The following RSU1 variants were observed in gnomAD, a reference collection of about 807,000 sequenced individuals.
The protein encoded by RSU1 is rsu-1.
RSU1 carries 26 observed loss-of-function variants against 31.1 expected under a neutral mutation model. The ratio of observed to expected loss-of-function variants is 0.84; its 90% CI spans 0.61 to 1.16. The LOEUF (loss-of-function observed/expected upper bound fraction) is 1.16. Ranked by LOEUF, RSU1 falls within the 50% of genes most tolerant of loss-of-function variation. The pLI, the probability that RSU1 is intolerant of heterozygous loss-of-function variation, is 0.00. For missense variants in RSU1, 320 were observed against 339.1 expected (o/e 0.94, Z 0.44); for synonymous variants, 164 against 136.3 (o/e 1.20, Z -1.41).
chr10:16,803,033 G>A (rs933715543), intron 2 of RSU1, among the ~76,000 whole-genome samples: 11 of 152,110 alleles, frequency 7.2e-5, no homozygotes, highest in African/African-American at 2.7e-4. Context: ...TGTTAACGCA[G>A]TAAGGTAAGA....
rs1374906335 is a variant in RSU1, at chr10:16,803,119, G to A, written c.109+13854C>T. On this transcript the variant is annotated intron_variant, in intron 2 of 8. Transcript: ENST00000345264. The stretch of plus-strand genomic sequence containing the variant: ...TCTCCACAGATAATATGATGTGTAC[G>A]TAGAAAATCCCAAAGAATCAACAAA... 7.9e-5 allele frequency among the ~76,000 whole-genome samples: 12 copies of A among 152,100 alleles called. No homozygotes were observed. In the East Asian group the frequency reaches 9.6e-4, roughly 12 times the overall value.
intron 8 of RSU1, among the ~76,000 whole-genome samples, chr10:16,671,667 C>T (rs746053528): frequency 1.6e-4 from 24 of 151,868 alleles, no homozygotes; most frequent in Non-Finnish European, 2.2e-4. Context: ...CACTCTGTTG[C>T]GAGGCTGGAG....
intron 8 of RSU1, among the ~76,000 whole-genome samples, chr10:16,647,648 G>A (rs1319164350): frequency 3.9e-5 from 6 of 152,180 alleles, no homozygotes; most frequent in Non-Finnish European, 5.9e-5. Flanking sequence ...GAGAGTAGAT[G>A]AGTGGTTGCC....
chr10:16,761,202 C>A (rs1837205922), intron 4 of RSU1, among the ~76,000 whole-genome samples: 1 of 152,208 alleles, frequency 6.6e-6, no homozygotes, highest in African/African-American at 2.4e-5. Flanking sequence ...CTCAGCCTCT[C>A]AAACTTCTGG....
intron 8 of RSU1, among the ~76,000 whole-genome samples, chr10:16,594,847 T>A (rs955537254): frequency 1.3e-5 from 2 of 148,466 alleles, no homozygotes; most frequent in African/African-American, 5.0e-5. Context: ...TGCAGTGGTG[T>A]GATCTTGGCT....
At chr10:16,723,498 T>C (rs1836324209) in intron 7 of RSU1, among the ~76,000 whole-genome samples, 1 of 152,210 alleles carries the variant, frequency 6.6e-6, no homozygotes, top group Non-Finnish European at 1.5e-5. Context: ...CAATGGCAGA[T>C]TCCAGATGCT....
intron 8 of RSU1, among the ~76,000 whole-genome samples, chr10:16,597,662 T>C (rs1409901851): frequency 1.3e-5 from 2 of 152,126 alleles, no homozygotes; most frequent in African/African-American, 4.8e-5. Context: ...CAGTCAAGAG[T>C]GATTAAATCA....
At chr10:16,730,784 G>A (rs1001943040) in intron 7 of RSU1, among the ~76,000 whole-genome samples, 8 of 152,100 alleles carry the variant, frequency 5.3e-5, no homozygotes, top group South Asian at 4.1e-4. Context: ...ATGCACCTAT[G>A]TGAATATTCT....
At chr10:16,596,934 GCTGGTCTCAAACTC>G (rs1307000490) in intron 8 of RSU1, among the ~76,000 whole-genome samples, 1 of 152,160 alleles carries the variant, frequency 6.6e-6, no homozygotes, top group Non-Finnish European at 1.5e-5. Context: ...CGTTGGACAT[GCTGGTCTCAAACTC>G]CTGACCTCAA....
At chr10:16,672,142 C>CA (rs528486452) in intron 8 of RSU1, among the ~76,000 whole-genome samples, 1,420 of 112,470 alleles carry the variant, frequency 0.013, 8 homozygotes, top group Middle Eastern at 0.094. Context: ...ACTAAAAATA[C>CA]AAAAAAAAAA....
In RSU1 at chr10:16,817,239, T is replaced by TGGGGGTAGGGCAGG. The variant is rs111960598; in HGVS notation, c.-4+75_-4+76insCCTGCCCTACCCCC. 4 of 607,092 alleles carry TGGGGGTAGGGCAGG rather than the reference T, an allele frequency of 6.6e-6. No homozygotes were observed. In the East Asian group the frequency reaches 8.7e-5, roughly 13 times the overall value. The allele number at this position is 607,092 out of a possible 1,614,324, so 37.6% of individuals were successfully genotyped here. A position where few individuals can be genotyped will look rare whatever the true frequency, so the allele number is the denominator to read the frequency against. On this transcript the variant is annotated intron_variant, in intron 1 of 8. Coordinates refer to ENST00000345264, the MANE Select transcript of RSU1 (RefSeq NM_012425.4). ...GGCTGGTCCGGGTGCGGGGAGGGGA[T>TGGGGGTAGGGCAGG]GGAGTGGGAAGGGTTCAGCCCCGCT...
At chr10:16,631,124 C>A (rs563806921) in intron 8 of RSU1, among the ~76,000 whole-genome samples, 4 of 152,330 alleles carry the variant, frequency 2.6e-5, no homozygotes, top group African/African-American at 9.6e-5. Flanking sequence ...CAATCGTAAT[C>A]AGCATCCAAC....
chr10:16,768,294 T>C (rs1837354670), intron 3 of RSU1, among the ~76,000 whole-genome samples: 1 of 152,204 alleles, frequency 6.6e-6, no homozygotes, highest in Non-Finnish European at 1.5e-5. Context: ...CATTTTAACA[T>C]TCTAGGATTC....
chr10:16,604,729 C>T (rs1028863797), intron 8 of RSU1, among the ~76,000 whole-genome samples: 18 of 152,114 alleles, frequency 1.2e-4, no homozygotes, highest in African/African-American at 3.9e-4. Flanking sequence ...GTTCAGACTC[C>T]GGGGTCTGGC....
intron 8 of RSU1, among the ~76,000 whole-genome samples, chr10:16,689,553 A>C (rs1835501272): frequency 6.6e-6 from 1 of 152,252 alleles, no homozygotes; most frequent in Admixed American, 6.5e-5. Context: ...CCACAAGTAA[A>C]ACAATGTGAA....
At chr10:16,593,550 C>T in intron 8 of RSU1, 54 bp from the exon 9 acceptor site, 3 of 1,355,684 alleles carry the variant, frequency 2.2e-6, no homozygotes, top group Non-Finnish European at 2.1e-6. Context: ...CACAAGATAG[C>T]TTTCACTGGA....
intron 7 of RSU1, among the ~76,000 whole-genome samples, chr10:16,708,328 T>G (rs1835946300): frequency 6.6e-6 from 1 of 152,172 alleles, no homozygotes; most frequent in Non-Finnish European, 1.5e-5. Context: ...ATTTATTAAG[T>G]GGATGTGGAG....
chr10:16,663,584 T>G (rs1411477830), intron 8 of RSU1, among the ~76,000 whole-genome samples: 3 of 152,140 alleles, frequency 2.0e-5, no homozygotes, highest in African/African-American at 7.2e-5. Context: ...CTCTGCAGGC[T>G]GGGAAGCTAC....
intron 3 of RSU1, among the ~76,000 whole-genome samples, chr10:16,764,777 G>T (rs3765596): frequency 6.6e-6 from 1 of 152,054 alleles, no homozygotes; most frequent in Admixed American, 6.5e-5. Flanking sequence ...GGGAAACAGA[G>T]CAAAAATGCA....
Sources: allele counts gnomAD v4.1 joint callset (sites outside exome capture counted in the v4.1 genomes callset), GRCh38; gene constraint gnomAD v4.1.1; transcripts MANE v1.5; gene names NCBI Gene and HGNC (gene_info 2026-07-23, HGNC 2026-07-21).